The following TCF4 variants were observed in gnomAD, a reference collection of about 807,000 sequenced individuals.
TCF4 encodes transcription factor 4.
In TCF4, 3 loss-of-function variants were observed where a neutral mutation model predicts 82.1. The observed-to-expected ratio is 0.04, with a 90% CI of 0.02 to 0.09. The LOEUF (loss-of-function observed/expected upper bound fraction) is 0.09. TCF4 is among the 10% of genes least tolerant of loss of function. The pLI, the probability that TCF4 is intolerant of heterozygous loss-of-function variation, is 1.00. For synonymous variants in TCF4, 276 were observed against 309.6 expected (o/e 0.89, Z 1.14); for missense variants, 518 against 852.7 (o/e 0.61, Z 4.89).
chr18:55,293,930 A>AATTTTTTTTTTTTTTTTTT (rs1568769774), intron 8 of TCF4, among the ~76,000 whole-genome samples: 1 of 22,660 alleles, frequency 4.4e-5, no homozygotes, highest in African/African-American at 1.1e-4. Flanking sequence ...CTTTCCAAGG[A>AATTTTTTTTTTTTTTTTTT]CTTTTTTTTT....
At chr18:55,565,833 T>C (rs2097400360) in intron 3 of TCF4, among the ~76,000 whole-genome samples, 1 of 151,796 alleles carries the variant, frequency 6.6e-6, no homozygotes, top group Non-Finnish European at 1.5e-5. Flanking sequence ...GAGGTCACTA[T>C]CTTAGGTGAA....
At chr18:55,301,491 C>T (rs988323129) in intron 8 of TCF4, among the ~76,000 whole-genome samples, 16 of 152,178 alleles carry the variant, frequency 1.1e-4, no homozygotes, top group African/African-American at 1.9e-4. Flanking sequence ...AATCGTTCAC[C>T]GCACACAGCT....
intron 6 of TCF4, chr18:55,351,739 T>A (rs1281410349): frequency 5.2e-6 from 3 of 573,444 alleles, no homozygotes; most frequent in South Asian, 7.8e-5. Flanking sequence ...CTAAAAATGA[T>A]GACATCAGAA....
At chr18:55,264,150 C>T (rs893893004) in intron 11 of TCF4, among the ~76,000 whole-genome samples, 4 of 152,114 alleles carry the variant, frequency 2.6e-5, no homozygotes, top group African/African-American at 9.7e-5. Context: ...TAGAACTACA[C>T]CTTTCTAACT....
intron 5 of TCF4, among the ~76,000 whole-genome samples, chr18:55,442,792 TAGA>T (rs753197706): frequency 6.6e-5 from 10 of 152,176 alleles, no homozygotes; most frequent in Non-Finnish European, 1.5e-4. Context: ...GCCAGGTGCA[TAGA>T]AGAACTTTTG....
At chr18:55,236,913 T>A (rs895322289) in intron 15 of TCF4, among the ~76,000 whole-genome samples, 1 of 152,184 alleles carries the variant, frequency 6.6e-6, no homozygotes. Context: ...AGGAGAAGTG[T>A]ACTCCTATTT....
At chr18:55,510,336 AAGTT>A (rs2096812569) in intron 3 of TCF4, among the ~76,000 whole-genome samples, 1 of 152,200 alleles carries the variant, frequency 6.6e-6, no homozygotes, top group African/African-American at 2.4e-5. Context: ...TAGCAAAAAA[AAGTT>A]AGAGCTTAAA....
intron 8 of TCF4, among the ~76,000 whole-genome samples, chr18:55,345,973 C>T (rs1267841596): frequency 2.0e-5 from 3 of 152,096 alleles, no homozygotes; most frequent in Non-Finnish European, 4.4e-5. Flanking sequence ...AAGGAAAAAA[C>T]AGTTTACCAA....
intron 3 of TCF4, among the ~76,000 whole-genome samples, chr18:55,554,403 C>T (rs1255551609): frequency 1.3e-5 from 2 of 151,978 alleles, no homozygotes; most frequent in Non-Finnish European, 1.5e-5. Context: ...TAAGGGTACA[C>T]ACTGAATTCT....
At chr18:55,575,043 T>C (rs527736052) in intron 3 of TCF4, among the ~76,000 whole-genome samples, 2 of 152,280 alleles carry the variant, frequency 1.3e-5, no homozygotes, top group South Asian at 4.1e-4. Flanking sequence ...TCTACCAAAA[T>C]TACTAAGGAT....
intron 8 of TCF4, among the ~76,000 whole-genome samples, chr18:55,336,118 T>C (rs941533627): frequency 6.6e-6 from 1 of 152,078 alleles, no homozygotes. Flanking sequence ...ATCAAGAGCA[T>C]CTATTCTCTT....
At chr18:55,622,464 C>A (rs915486860) in intron 2 of TCF4, among the ~76,000 whole-genome samples, 1 of 146,294 alleles carries the variant, frequency 6.8e-6, no homozygotes, top group Admixed American at 6.9e-5. Flanking sequence ...GAGATCACAT[C>A]ACTGCACTTC....
At chr18:55,563,192 TCACA>T (rs1225753515) in intron 3 of TCF4, among the ~76,000 whole-genome samples, 1 of 138,364 alleles carries the variant, frequency 7.2e-6, no homozygotes, top group Non-Finnish European at 1.5e-5. Context: ...TGAGCCGTGA[TCACA>T]CCACTGCACT....
At chr18:55,290,528 G>C (rs1188593876) in intron 8 of TCF4, among the ~76,000 whole-genome samples, 1 of 152,124 alleles carries the variant, frequency 6.6e-6, no homozygotes, top group Non-Finnish European at 1.5e-5. Flanking sequence ...AGCAGAGAAG[G>C]TATGAGGGTA....
chr18:55,362,328 C>CAAA (rs201336687), intron 6 of TCF4, among the ~76,000 whole-genome samples: 1 of 66,918 alleles, frequency 1.5e-5, no homozygotes, highest in Non-Finnish European at 2.8e-5. Context: ...AAAACAAAAA[C>CAAA]AAAAAAAAAA....
At chr18:55,436,659 C>T (rs182624154) in intron 5 of TCF4, among the ~76,000 whole-genome samples, 1 of 152,250 alleles carries the variant, frequency 6.6e-6, no homozygotes, top group East Asian at 1.9e-4. Flanking sequence ...CTCATAGGAG[C>T]CTATGAAATT....
chr18:55,348,738 T>G (rs1352787602), intron 8 of TCF4, among the ~76,000 whole-genome samples: 1 of 152,170 alleles, frequency 6.6e-6, no homozygotes, highest in Non-Finnish European at 1.5e-5. Context: ...ATTGTCTAGA[T>G]TTCTGCCTAA....
rs373767453 is a variant in TCF4, at chr18:55,503,254, C to T, written c.146-39117G>A. On this transcript the variant is annotated intron_variant, in intron 3 of 19. Coordinates refer to ENST00000354452, the MANE Select transcript of TCF4 (RefSeq NM_001083962.2). ...AGTGGATATCAGAAATAAAAACATT[C>T]TATCATCATGCATTCCTGAAAATTC... 4.0e-4 allele frequency among the ~76,000 whole-genome samples: 61 copies of T among 152,272 alleles called. 1 individual carries two copies. The South Asian group carries it at 9.5e-3, about 24-fold the overall frequency.
chr18:55,518,852 T>G (rs896214361), intron 3 of TCF4: 7 of 152,072 alleles, frequency 4.6e-5, no homozygotes, highest in Non-Finnish European at 1.0e-4. Context: ...TTCTCACAAT[T>G]ATCCAACATT....
Sources: allele counts gnomAD v4.1 joint callset (sites outside exome capture counted in the v4.1 genomes callset), GRCh38; gene constraint gnomAD v4.1.1; transcripts MANE v1.5; gene names NCBI Gene and HGNC (gene_info 2026-07-23, HGNC 2026-07-21).